The following NLGN1 variants were observed in gnomAD, a reference collection of about 807,000 sequenced individuals.
NLGN1 encodes the protein neuroligin 1.
A neutral mutation model predicts 65.5 loss-of-function variants in NLGN1; 12 were observed. The ratio of observed to expected loss-of-function variants is 0.18; its 90% confidence interval spans 0.12 to 0.30. The LOEUF (loss-of-function observed/expected upper bound fraction) is 0.30. Ranked by LOEUF, NLGN1 falls within the 10% of genes least tolerant of loss-of-function variation. The probability of loss-of-function intolerance (pLI) is 1.00; values close to 1 mark genes in which losing one functional copy is unlikely to be tolerated. For missense variants in NLGN1, 750 were observed against 1,007.1 expected, an observed-to-expected ratio of 0.74 and a Z score of 3.46; for synonymous variants, 350 against 359.5, an observed-to-expected ratio of 0.97 and a Z score of 0.30.
chr3:173,881,741 C>A (rs1388685321), intron 4 of NLGN1, among the ~76,000 whole-genome samples: 1 of 152,132 alleles, frequency 6.6e-6, no homozygotes, highest in Non-Finnish European at 1.5e-5. Flanking sequence ...ATCACATCTG[C>A]AGTTGCTTCT....
intron 2 of NLGN1, among the ~76,000 whole-genome samples, chr3:173,510,416 C>T (rs978329973): frequency 3.3e-5 from 5 of 152,140 alleles, no homozygotes. Flanking sequence ...CCTAGTATGT[C>T]ATCACTATCC....
intron 2 of NLGN1, among the ~76,000 whole-genome samples, chr3:173,597,296 C>A (rs1402355396): frequency 6.6e-6 from 1 of 152,172 alleles, no homozygotes; most frequent in Non-Finnish European, 1.5e-5. Flanking sequence ...AGTTATCTGA[C>A]CACTTTCACC....
chr3:173,600,105 TA>T (rs752481116), intron 2 of NLGN1, among the ~76,000 whole-genome samples: 1 of 152,044 alleles, frequency 6.6e-6, no homozygotes, highest in African/African-American at 2.4e-5. Context: ...CAGAATCTAC[TA>T]GTTGCAAGCA....
chr3:173,993,912 A>G (rs1293444027), intron 4 of NLGN1, among the ~76,000 whole-genome samples: 6 of 151,970 alleles, frequency 3.9e-5, no homozygotes, highest in Non-Finnish European at 8.8e-5. Context: ...ACATATATGT[A>G]TATGAGTGTG....
intron 4 of NLGN1, among the ~76,000 whole-genome samples, chr3:174,215,753 G>A (rs1302968811): frequency 6.6e-6 from 1 of 152,124 alleles, no homozygotes; most frequent in African/African-American, 2.4e-5. Flanking sequence ...GAAAACTGTG[G>A]AAATCTAACA....
At chr3:174,291,094 T>C (rs1204991482), downstream of NLGN1, among the ~76,000 whole-genome samples, 1 of 149,550 alleles carries the variant, frequency 6.7e-6, no homozygotes, top group African/African-American at 2.4e-5. Flanking sequence ...TTAAGAGACA[T>C]AGAAAAATTT....
chr3:173,746,207 C>T (rs1775336362), intron 3 of NLGN1, among the ~76,000 whole-genome samples: 1 of 151,962 alleles, frequency 6.6e-6, no homozygotes, highest in South Asian at 2.1e-4. Flanking sequence ...GTGGGAGGAG[C>T]CCTTGAGCCT....
chr3:174,238,370 T>TG (rs1176882450), intron 4 of NLGN1, among the ~76,000 whole-genome samples: 1 of 151,444 alleles, frequency 6.6e-6, no homozygotes, highest in Non-Finnish European at 1.5e-5. Flanking sequence ...CTTTTTTTTT[T>TG]GTTGTTTGTT....
intron 4 of NLGN1, among the ~76,000 whole-genome samples, chr3:174,230,713 G>A (rs942692026): frequency 1.3e-5 from 2 of 152,032 alleles, no homozygotes; most frequent in East Asian, 1.9e-4. Context: ...CAAGAGGATC[G>A]TTTGTGCCCA....
At chr3:174,263,918 T>G (rs371250179) in intron 4 of NLGN1, among the ~76,000 whole-genome samples, 5 of 151,038 alleles carry the variant, frequency 3.3e-5, no homozygotes, top group East Asian at 2.0e-4. Context: ...GTCTGTAAAG[T>G]ATTTTATTTC....
chr3:173,850,231 A>T (rs942165297), intron 4 of NLGN1, among the ~76,000 whole-genome samples: 2 of 152,106 alleles, frequency 1.3e-5, no homozygotes, highest in African/African-American at 2.4e-5. Flanking sequence ...CTTACTATAT[A>T]TGTGTGTATG....
At chr3:173,560,623 T>C (rs1438645061) in intron 2 of NLGN1, among the ~76,000 whole-genome samples, 6 of 152,296 alleles carry the variant, frequency 3.9e-5, no homozygotes, top group African/African-American at 1.4e-4. Flanking sequence ...TTCTTGGGTA[T>C]ATTCTAGCAT....
rs1751133868 is a variant in NLGN1, at chr3:174,279,135, T to C, written c.1134T>C (p.Phe378=). The change falls in exon 6 of 7, where the codon TTT becomes TTC. Residue 378 remains phenylalanine, a synonymous_variant. Transcript: ENST00000457714. This position sits in a 1 kb window ranked among gnomAD's most constrained non-coding sequence, Gnocchi z 4.7. Reference sequence around the variant, plus strand: ...AGATATTGATGGAGCAAGGAGAGTTTCTCAACTATGATATAATGTTAGGAG... The same window carrying C: ...AGATATTGATGGAGCAAGGAGAGTTCCTCAACTATGATATAATGTTAGGAG... The C allele has an allele frequency of 6.2e-7, 1 of 1,613,324 alleles. No individual in the cohort carries two copies. Among genetic ancestry groups the C allele is most frequent in the African/African-American group, 1.3e-5 (1 of 74,836 alleles).
chr3:173,920,506 C>T (rs1741782439), intron 4 of NLGN1: 2 of 152,120 alleles, frequency 1.3e-5, no homozygotes, highest in Non-Finnish European at 2.9e-5. Flanking sequence ...GGGACAGATG[C>T]TACCATAACA....
chr3:173,811,139 T>G (rs2150472909), intron 4 of NLGN1, among the ~76,000 whole-genome samples: 1 of 152,366 alleles, frequency 6.6e-6, no homozygotes, highest in South Asian at 2.1e-4. Context: ...TGACATAAAC[T>G]TTCCATATTT....
chr3:173,822,870 G>T (rs1358275028), intron 4 of NLGN1, among the ~76,000 whole-genome samples: 1 of 151,764 alleles, frequency 6.6e-6, no homozygotes, highest in Non-Finnish European at 1.5e-5. Flanking sequence ...AGATCTACTT[G>T]CTATATTGTC....
chr3:174,210,770 A>G lies in NLGN1; in HGVS notation c.647-64545A>G, dbSNP rs551390829. Among the ~76,000 whole-genome samples, 4 of 152,340 alleles carry G rather than the reference A, an allele frequency of 2.6e-5. No individual in the cohort carries two copies. The East Asian group carries it at 7.7e-4, about 29-fold the overall frequency. On this transcript the variant is annotated intron_variant, in intron 4 of 6. Coordinates refer to ENST00000457714, the Ensembl canonical transcript of NLGN1. ...CATGCCACATAATGACATTTTATCA[A>G]CGCCAGAGCAACAGGACAAATCTTC... is the stretch of plus-strand genomic sequence containing the variant.
intron 4 of NLGN1, among the ~76,000 whole-genome samples, chr3:174,069,525 T>C (rs1456474346): frequency 6.6e-6 from 1 of 152,184 alleles, no homozygotes; most frequent in African/African-American, 2.4e-5. Flanking sequence ...AGACTTCCTA[T>C]TTATATAAAC....
chr3:174,102,696 C>T (rs944476796), intron 4 of NLGN1, among the ~76,000 whole-genome samples: 1 of 152,074 alleles, frequency 6.6e-6, no homozygotes, highest in African/African-American at 2.4e-5. Context: ...GATTGGATGG[C>T]CTTGATAGTG....
Sources: allele counts gnomAD v4.1 joint callset (sites outside exome capture counted in the v4.1 genomes callset), GRCh38; gene constraint gnomAD v4.1.1; non-coding constraint Gnocchi (gnomAD v3.1); transcripts MANE v1.5; gene names NCBI Gene and HGNC (gene_info 2026-07-23, HGNC 2026-07-21).